GPSM2: variants seen among roughly 807,000 people sequenced by gnomAD.
GPSM2 encodes the protein G protein signaling modulator 2, also known as G protein-signaling modulator 2.
In GPSM2, 58 loss-of-function variants were observed where a neutral mutation model predicts 78.4. The ratio of observed to expected loss-of-function variants is 0.74; its 90% CI spans 0.60 to 0.92. The LOEUF is 0.92. Ranked by LOEUF, GPSM2 falls within the 40% of genes least tolerant of loss-of-function variation. The pLI is 0.00. For synonymous variants in GPSM2, 224 were observed against 280.2 expected, an observed-to-expected ratio of 0.80 and a Z score of 2.00; for missense variants, 700 against 815.5, an observed-to-expected ratio of 0.86 and a Z score of 1.73.
intron 11 of GPSM2, among the ~76,000 whole-genome samples, chr1:108,917,498 C>T (rs1025255320): frequency 1.3e-5 from 2 of 149,442 alleles, no homozygotes; most frequent in Non-Finnish European, 3.0e-5. Flanking sequence ...ACCTGGGAGG[C>T]GGAGGTTGCA....
chr1:108,923,914 C>A (rs1650924490), intron 13 of GPSM2, 86 bp from the exon 14 acceptor site: 1 of 951,284 alleles, frequency 1.1e-6, no homozygotes, highest in Non-Finnish European at 1.7e-6. Context: ...CCGAAAAGAT[C>A]TAGGTATATA....
rs878858834 is a variant in GPSM2 at position 108,922,647 on chromosome 1, T to C, written c.1600+71T>C. On this transcript the variant is annotated intron_variant, in intron 13 of 14. Coordinates refer to ENST00000264126, the MANE Select transcript of GPSM2 (RefSeq NM_013296.5). ...TATTCTTGTGGCTTATTTCTGAGAATTGAATTCCCATCATAAGAGATATAA... is the reference window on the plus strand; with the variant it reads ...TATTCTTGTGGCTTATTTCTGAGAACTGAATTCCCATCATAAGAGATATAA... 22 of 1,203,056 alleles carry C rather than the reference T, an allele frequency of 1.8e-5. No individual in the cohort carries two copies. The East Asian group carries it at 2.3e-4, about 13-fold the overall frequency. 74.5% of individuals were successfully genotyped at this position (1,203,056 alleles called of 1,614,324 possible). A position where few individuals can be genotyped will look rare whatever the true frequency, so the allele number is the denominator to read the frequency against.
At chr1:108,919,641 G>A (rs1197127213) in intron 12 of GPSM2, among the ~76,000 whole-genome samples, 1 of 151,996 alleles carries the variant, frequency 6.6e-6, no homozygotes. Context: ...GGAGGTGGAG[G>A]TTGCAGTGAG....
intron 10 of GPSM2, among the ~76,000 whole-genome samples, chr1:108,905,935 A>G (rs1649184766): frequency 6.6e-6 from 1 of 152,210 alleles, no homozygotes; most frequent in African/African-American, 2.4e-5. Flanking sequence ...TGGCTATTGG[A>G]CAGCACAGCT....
At chr1:108,924,252 A>C in intron 14 of GPSM2, 38 bp downstream of exon 14, 11 of 1,215,652 alleles carry the variant, frequency 9.0e-6, no homozygotes, top group Non-Finnish European at 1.2e-5. Context: ...CATACAGCTC[A>C]GATACCACTG....
chr1:108,929,133 C>T (rs187282206), intron 14 of GPSM2, among the ~76,000 whole-genome samples: 101 of 152,176 alleles, frequency 6.6e-4, no homozygotes, highest in African/African-American at 2.1e-3. Flanking sequence ...TTGCAACTGC[C>T]CAACTCTGCC....
intron 13 of GPSM2, among the ~76,000 whole-genome samples, chr1:108,923,318 G>A (rs114642096): frequency 0.012 from 1,849 of 152,272 alleles, 15 homozygotes; most frequent in Non-Finnish European, 0.021. Flanking sequence ...CCAGGCATGA[G>A]CTACTGTGCC....
intron 14 of GPSM2, chr1:108,929,465 A>T: frequency 1.8e-6 from 1 of 550,106 alleles, no homozygotes; most frequent in South Asian, 2.1e-5. Context: ...TGAAGCAGCT[A>T]TACCTATATA....
intron 12 of GPSM2, among the ~76,000 whole-genome samples, chr1:108,920,845 C>T (rs1206716636): frequency 2.0e-5 from 3 of 152,184 alleles, no homozygotes; most frequent in African/African-American, 4.8e-5. Context: ...AATGCCCATA[C>T]TTTAGGAGCC....
rs1650792784 is a variant in GPSM2 at position 108,922,547 on chromosome 1, C to T, written c.1571C>T (p.Ser524Phe). The change falls in exon 13 of 15, where the codon TCT becomes TTT. Residue 524 changes from serine to phenylalanine, a missense_variant. Coordinates refer to ENST00000264126, the MANE Select transcript of GPSM2 (RefSeq NM_013296.5). The stretch of plus-strand genomic sequence containing the variant: ...TGCCATACAGCTTCAACAACAACTT[C>T]TTCCACTCCCCCTAAAATGATGCTA... ...KNCHTASTTT[S>F]STPPKMMLKT... 3 of 1,526,546 alleles carry T rather than the reference C, an allele frequency of 2.0e-6. No individual in the cohort carries two copies. The allele number at this position is 1,526,546 out of a possible 1,614,324, so 94.6% of individuals were successfully genotyped here.
At chr1:108,902,379 CA>C (rs5776957) in intron 8 of GPSM2, among the ~76,000 whole-genome samples, 1,683 of 76,824 alleles carry the variant, frequency 0.022, 7 homozygotes, top group Admixed American at 0.066. Flanking sequence ...GACTGCATCT[CA>C]AAAAAAAAAA....
At position 108,931,616 on chromosome 1, in the gene GPSM2, T is replaced by TAA; in HGVS notation, c.*1677_*1678dup. 1 of 1,218,426 alleles carries TAA rather than the reference T, an allele frequency of 8.2e-7. No homozygotes were observed. The allele number at this position is 1,218,426 out of a possible 1,614,324, so 75.5% of individuals were successfully genotyped here. ...AGTCATAACCTGGAATTAATTACAT[T>TAA]AAGTGCTCAGCTAAAAAAAAAAAAA... is the stretch of plus-strand genomic sequence containing the variant. On this transcript the variant is annotated 3_prime_UTR_variant, in exon 15 of 15. Transcript: ENST00000264126.
chr1:108,907,226 C>T (rs188669805), intron 10 of GPSM2, among the ~76,000 whole-genome samples: 2 of 152,276 alleles, frequency 1.3e-5, no homozygotes, highest in African/African-American at 4.8e-5. Flanking sequence ...CTGGTGTTGG[C>T]TCAAGGTAGA....
At position 108,891,244 on chromosome 1, in the gene GPSM2, T is replaced by C. The variant is rs547554597; in HGVS notation, c.57-5620T>C. On this transcript the variant is annotated intron_variant, in intron 2 of 14. Transcript: ENST00000264126. ...ATACTTTAATATTGTAAAAGTTAGA[T>C]TCTTGCATGTAAGTTGTGAAGGAAT... Among the ~76,000 whole-genome samples the C allele has an allele frequency of 4.6e-5, 7 of 152,334 alleles. No homozygotes were observed. In the South Asian group the frequency reaches 1.4e-3, roughly 32 times the overall value.
In GPSM2 at chr1:108,898,738, C is replaced by T. The variant is rs1210160609; in HGVS notation, c.654C>T (p.Phe218=). Residue 218 remains phenylalanine (F), a synonymous_variant, in exon 6 of 15, where the codon TTC becomes TTT. Coordinates refer to ENST00000264126, the MANE Select transcript of GPSM2 (RefSeq NM_013296.5). Reference sequence around the variant, plus strand: ...ACACACATTACCTCCTTGGCAACTTCAGGGATGCAGTTATAGCTCATGAGC... The same window carrying T: ...ACACACATTACCTCCTTGGCAACTTTAGGGATGCAGTTATAGCTCATGAGC... The part of the protein sequence containing the change: ...LGNTHYLLGN[F]RDAVIAHEQR... 5 of 1,614,038 alleles carry T rather than the reference C, an allele frequency of 3.1e-6. No homozygotes were observed. The highest frequency in any genetic ancestry group is 4.2e-6 in the Non-Finnish European group (5 of 1,179,926).
chr1:108,918,030 T>C (rs1333478666), intron 11 of GPSM2, among the ~76,000 whole-genome samples: 2 of 152,152 alleles, frequency 1.3e-5, no homozygotes, highest in African/African-American at 4.8e-5. Context: ...AAGCTGCAAA[T>C]GTCAGAGCTA....
rs1651656565 is a variant in GPSM2 at position 108,930,027 on chromosome 1, G to GT, written c.*88dup. Reference sequence around the variant, plus strand: ...CCTTAAAAGGAGAATTTATAGCACTGTAATACAGCTTAAAATATTTTTAGA... The same window carrying GT: ...CCTTAAAAGGAGAATTTATAGCACTGTTAATACAGCTTAAAATATTTTTAGA... On this transcript the variant is annotated 3_prime_UTR_variant, in exon 15 of 15. Coordinates refer to ENST00000264126, the MANE Select transcript of GPSM2 (RefSeq NM_013296.5). The GT allele has an allele frequency of 5.3e-6, 6 of 1,127,036 alleles. No homozygotes were observed. Among genetic ancestry groups the GT allele is most frequent in the Non-Finnish European group, 7.8e-6 (6 of 764,630 alleles). 69.8% of individuals were successfully genotyped at this position (1,127,036 alleles called of 1,614,324 possible).
intron 11 of GPSM2, among the ~76,000 whole-genome samples, chr1:108,918,172 G>A (rs942376565): frequency 6.6e-6 from 1 of 152,036 alleles, no homozygotes; most frequent in African/African-American, 2.4e-5. Context: ...TATGGTATTA[G>A]TAAAAACAGT....
rs534819536 is a variant in GPSM2 at position 108,880,370 on chromosome 1, G to A, written c.-249+3142G>A. The stretch of plus-strand genomic sequence containing the variant: ...AGCACTTTGAGGGGCCCAGGTGGGC[G>A]GATCACTTGAGACCAGGAGTCGAGA... On this transcript the variant is annotated intron_variant, in intron 1 of 14. Transcript: ENST00000264126. Among the ~76,000 whole-genome samples, 8 of 152,288 alleles carry A rather than the reference G, an allele frequency of 5.3e-5. No homozygotes were observed. In the East Asian group the frequency reaches 1.3e-3, roughly 26 times the overall value.
Sources: gnomAD v4.1 joint callset for allele counts (sites outside exome capture counted in the v4.1 genomes callset) on GRCh38, gnomAD v4.1.1 for gene constraint, MANE v1.5 for transcripts, NCBI Gene and HGNC (gene_info 2026-07-23, HGNC 2026-07-21) for gene names.